WNK2: variants seen among roughly 807,000 people sequenced by gnomAD.
The protein encoded by WNK2 is serine/threonine-protein kinase WNK2.
In WNK2, 67 loss-of-function variants were observed where a neutral mutation model predicts 192.1. That is an observed-to-expected ratio of 0.35 (90% CI 0.29 to 0.43). The LOEUF is 0.43. WNK2 is among the 20% of genes least tolerant of loss of function. WNK2 has a pLI of 1.00. For synonymous variants in WNK2, 1,439 were observed against 1,393.9 expected, an observed-to-expected ratio of 1.03 and a Z score of -0.72; for missense variants, 2,698 against 3,089.7, an observed-to-expected ratio of 0.87 and a Z score of 3.01.
chr9:93,293,458 T>G (rs1415537313), intron 23 of WNK2, among the ~76,000 whole-genome samples: 1 of 152,070 alleles, frequency 6.6e-6, no homozygotes, highest in Non-Finnish European at 1.5e-5. Context: ...TAGCTGGGAC[T>G]ACAGGTGCCT....
At chr9:93,221,831 G>C (rs190011090) in intron 2 of WNK2, among the ~76,000 whole-genome samples, 3 of 152,144 alleles carry the variant, frequency 2.0e-5, no homozygotes, top group Non-Finnish European at 4.4e-5. Flanking sequence ...TGGAGGTTGC[G>C]TCCTGGTTGG....
chr9:93,319,209 C>T, intron 29 of WNK2: 1 of 1,611,796 alleles, frequency 6.2e-7, no homozygotes, highest in Middle Eastern at 1.7e-4. Context: ...TGCTCGAAAA[C>T]AGTGTGAAAC....
chr9:93,251,639 G>A (rs1216560119), intron 8 of WNK2, among the ~76,000 whole-genome samples: 1 of 152,186 alleles, frequency 6.6e-6, no homozygotes, highest in Non-Finnish European at 1.5e-5. Flanking sequence ...GAGCCTGGGA[G>A]GTCAAGGCTG....
At chr9:93,217,545 T>A (rs1040220589) in intron 2 of WNK2, among the ~76,000 whole-genome samples, 10 of 152,204 alleles carry the variant, frequency 6.6e-5, no homozygotes, top group Non-Finnish European at 1.3e-4. Context: ...CCGCCAGTTC[T>A]GGGAGGTACT....
intron 2 of WNK2, among the ~76,000 whole-genome samples, chr9:93,214,994 G>A (rs1484513123): frequency 2.6e-5 from 4 of 151,070 alleles, no homozygotes; most frequent in Non-Finnish European, 5.9e-5. Context: ...GTGATCTTCT[G>A]ATCTCAGCCT....
chr9:93,306,644 CCT>C (rs1373586122), intron 26 of WNK2, 131 bp from the exon 27 acceptor site: 2 of 1,183,076 alleles, frequency 1.7e-6, no homozygotes, highest in South Asian at 1.3e-5. Flanking sequence ...CCGGGTCGGC[CCT>C]CTCTCTGAAC....
At chr9:93,305,797 C>T (rs1419455451) in intron 26 of WNK2, among the ~76,000 whole-genome samples, 1 of 152,184 alleles carries the variant, frequency 6.6e-6, no homozygotes, top group Admixed American at 6.5e-5. Context: ...CGCTGAGGAG[C>T]GTGTTCCTGC....
chr9:93,228,983 T>G (rs1238982680), intron 2 of WNK2, among the ~76,000 whole-genome samples: 1 of 152,016 alleles, frequency 6.6e-6, no homozygotes, highest in Non-Finnish European at 1.5e-5. Context: ...GTGGTTCCCT[T>G]GTGGGATGGT....
intron 19 of WNK2, among the ~76,000 whole-genome samples, chr9:93,272,737 T>C (rs1372487035): frequency 1.9e-4 from 1 of 5,158 alleles, no homozygotes; most frequent in African/African-American, 9.2e-4. Context: ...AAACTCCGTC[T>C]CAAAAAAAAA....
chr9:93,231,742 C>T (rs746525363), intron 4 of WNK2, among the ~76,000 whole-genome samples: 23 of 152,222 alleles, frequency 1.5e-4, no homozygotes, highest in Non-Finnish European at 8.8e-5. Context: ...AGTACAGACG[C>T]CCTCCTGTGA....
chr9:93,299,928 G>C, intron 25 of WNK2, 123 bp from the exon 26 acceptor site: 1 of 748,328 alleles, frequency 1.3e-6, no homozygotes, highest in Non-Finnish European at 2.3e-6. Context: ...TCCGGGCTGG[G>C]CTAGATGGAG....
In WNK2 at chr9:93,259,009, C is replaced by T; in HGVS notation, c.2461C>T (p.Pro821Ser). 6.2e-7 allele frequency: 1 copy of T among 1,612,914 alleles called. No homozygotes were observed. Among genetic ancestry groups the T allele is most frequent in the Non-Finnish European group, 8.5e-7 (1 of 1,179,724 alleles). Reference sequence around the variant, plus strand: ...CCTCCCTCCGGCCCTCCCAGACCTGCCGACCGCGACTGTGCCTCCCGTGCC... The same window carrying T: ...CCTCCCTCCGGCCCTCCCAGACCTGTCGACCGCGACTGTGCCTCCCGTGCC... The part of the protein sequence containing the change: ...DGLPPALPDL[P>S]TATVPPVPPP... The change falls in exon 12 of 30, where the codon CCG becomes TCG. Residue 821 changes from proline to serine, a missense_variant. Coordinates refer to ENST00000427277, the MANE Select transcript of WNK2 (RefSeq NM_006648.4). The surrounding 1 kb of genome is among the most constrained non-coding windows in gnomAD (Gnocchi z 4.8).
chr9:93,241,915 G>T (rs755540633), intron 7 of WNK2, among the ~76,000 whole-genome samples: 2 of 152,210 alleles, frequency 1.3e-5, no homozygotes, highest in Non-Finnish European at 2.9e-5. Flanking sequence ...TGCTCCTGGG[G>T]CTGGCTGTGT....
chr9:93,208,262 G>A (rs1021927136), intron 2 of WNK2, among the ~76,000 whole-genome samples: 1 of 152,202 alleles, frequency 6.6e-6, no homozygotes. Context: ...TTGTGTTCAT[G>A]TTATCTGCCG....
In WNK2 at chr9:93,308,359, T is replaced by C; in HGVS notation, c.6291T>C (p.Pro2097=). Residue 2097 remains proline (P), a synonymous_variant, in exon 28 of 30, where the codon CCT becomes CCC. Coordinates refer to ENST00000427277, the MANE Select transcript of WNK2 (RefSeq NM_006648.4). ...CCACCAGCAGCCTGGCCCCAGGCCC[T>C]GAGCCAGGCCCCCAGCCCGCCCTGC... The part of the protein sequence containing the change: ...RSSTSSLAPG[P]EPGPQPALHV... The C allele has an allele frequency of 6.4e-7, 1 of 1,556,862 alleles. No homozygotes were observed. The highest frequency in any genetic ancestry group is 8.7e-7 in the Non-Finnish European group (1 of 1,150,492).
intron 20 of WNK2, 44 bp downstream of exon 20, chr9:93,289,664 G>A (rs1849003799): frequency 4.2e-6 from 6 of 1,425,026 alleles, no homozygotes; most frequent in East Asian, 2.5e-5. Context: ...TGGGTCAGGG[G>A]CCGGAGCCCG....
intron 23 of WNK2, among the ~76,000 whole-genome samples, chr9:93,297,559 T>C (rs1850814556): frequency 1.3e-5 from 2 of 152,266 alleles, no homozygotes; most frequent in Non-Finnish European, 2.9e-5. Flanking sequence ...CAAGTATCAA[T>C]GTAAGCATTC....
At chr9:93,211,625 CCCACCCACTCAT>C (rs1439845384) in intron 2 of WNK2, among the ~76,000 whole-genome samples, 1 of 149,372 alleles carries the variant, frequency 6.7e-6, no homozygotes, top group Non-Finnish European at 1.5e-5. Flanking sequence ...CATTCACTCA[CCCACCCACTCAT>C]CCACTCACCC....
At chr9:93,300,683 C>T (rs894127652) in intron 26 of WNK2, among the ~76,000 whole-genome samples, 2 of 152,230 alleles carry the variant, frequency 1.3e-5, no homozygotes, top group East Asian at 1.9e-4. Flanking sequence ...CACTGGAGGG[C>T]GTGGTTTCTG....
Sources: allele counts gnomAD v4.1 joint callset (sites outside exome capture counted in the v4.1 genomes callset), GRCh38; gene constraint gnomAD v4.1.1; non-coding constraint Gnocchi (gnomAD v3.1); transcripts MANE v1.5; gene names NCBI Gene and HGNC (gene_info 2026-07-23, HGNC 2026-07-21).